The following WASF3 variants were observed in gnomAD, a reference collection of about 807,000 sequenced individuals.
WASF3 encodes WASP family member 3.
In WASF3, 11 loss-of-function variants were observed where a neutral mutation model predicts 46.6. The observed-to-expected ratio is 0.24, with a 90% CI of 0.15 to 0.39. WASF3 has a LOEUF of 0.39. Among genes scored for constraint, WASF3 ranks in the 10% least tolerant of loss-of-function variants. The pLI is 1.00. For missense variants in WASF3, 576 were observed against 669.8 expected (o/e 0.86, Z 1.55); for synonymous variants, 242 against 259.7 (o/e 0.93, Z 0.65).
chr13:26,606,405 G>A (rs1472474503), intron 1 of WASF3: 1 of 150,374 alleles, frequency 6.7e-6, no homozygotes, highest in African/African-American at 2.5e-5. Context: ...ACCTAGGCTG[G>A]AATGCAATGG....
chr13:26,658,496 G>T (rs1008297768), intron 3 of WASF3, among the ~76,000 whole-genome samples: 16 of 152,186 alleles, frequency 1.1e-4, no homozygotes, highest in African/African-American at 3.6e-4. Context: ...TGCTTCTCTT[G>T]CAGATTGCCA....
chr13:26,578,435 C>G (rs1879866744), intron 1 of WASF3, among the ~76,000 whole-genome samples: 1 of 152,110 alleles, frequency 6.6e-6, no homozygotes, highest in Non-Finnish European at 1.5e-5. Flanking sequence ...TAGAACTTCC[C>G]CTCCCTGCAG....
intron 3 of WASF3, among the ~76,000 whole-genome samples, chr13:26,661,014 C>G (rs1450200968): frequency 6.6e-6 from 1 of 152,128 alleles, no homozygotes; most frequent in Non-Finnish European, 1.5e-5. Flanking sequence ...CCAGCTCTCA[C>G]AGGAACTACT....
At chr13:26,655,505 G>T (rs1296188512) in intron 3 of WASF3, among the ~76,000 whole-genome samples, 1 of 152,100 alleles carries the variant, frequency 6.6e-6, no homozygotes, top group Non-Finnish European at 1.5e-5. Flanking sequence ...TGATTAAAAA[G>T]TGTCATATGG....
At chr13:26,590,406 C>G (rs928742868) in intron 1 of WASF3, among the ~76,000 whole-genome samples, 1 of 151,754 alleles carries the variant, frequency 6.6e-6, no homozygotes, top group Non-Finnish European at 1.5e-5. Flanking sequence ...AAAAAGAAAC[C>G]CGAAAGAAGG....
chr13:26,675,609 C>T (rs1883044143), intron 6 of WASF3, among the ~76,000 whole-genome samples: 1 of 141,976 alleles, frequency 7.0e-6, no homozygotes, highest in Non-Finnish European at 1.5e-5. Context: ...TTATTTGTGT[C>T]CTCTTGTGGA....
Position 26,682,603 on chromosome 13 carries a change from T to C in WASF3, c.984-4T>C, listed in dbSNP as rs1409536954. ...GGTGACTATGTGCCTCATATCTCTC[T>C]CAGGATGCTCCCAGCGCAGATAATT... On this transcript the variant is annotated splice_region_variant and splice_polypyrimidine_tract_variant and intron_variant, in intron 8 of 9. Transcript: ENST00000335327. The surrounding 1 kb of genome is among the most constrained non-coding windows in gnomAD (Gnocchi z 4.4). The C allele has an allele frequency of 1.2e-6, 2 of 1,614,110 alleles. No homozygotes were observed. Among genetic ancestry groups the C allele is most frequent in the South Asian group, 1.1e-5 (1 of 91,070 alleles).
At chr13:26,680,206 G>C (rs1057220936) in intron 7 of WASF3, 1 of 1,552,060 alleles carries the variant, frequency 6.4e-7, no homozygotes, top group Non-Finnish European at 8.6e-7. Flanking sequence ...CAGCGGGTTT[G>C]TTGTTTTGCT....
At chr13:26,567,361 C>T (rs1944539504) in intron 1 of WASF3, among the ~76,000 whole-genome samples, 1 of 152,124 alleles carries the variant, frequency 6.6e-6, no homozygotes, top group African/African-American at 2.4e-5. Context: ...TTGGTTAGTT[C>T]AAAATCAGTA....
intron 1 of WASF3, chr13:26,577,059 A>T: frequency 1.4e-6 from 1 of 737,134 alleles, no homozygotes; most frequent in Non-Finnish European, 2.4e-6. Flanking sequence ...ACAAAATTGC[A>T]TCTGATGGCC....
At position 26,665,121 on chromosome 13, in the gene WASF3, T is replaced by G; in HGVS notation, c.227T>G (p.Leu76Arg). 1.2e-6 allele frequency: 2 copies of G among 1,614,136 alleles called. No individual in the cohort carries two copies. Among genetic ancestry groups the G allele is most frequent in the Non-Finnish European group, 1.7e-6 (2 of 1,180,014 alleles). ...TCTCTTCAAGACAGAATTGATCGCC[T>G]TGCTGTCAAAGTCACCCAGCTGGAT... ...ANSLQDRIDRLAVKVTQLDST... is the reference protein window; with the variant it reads ...ANSLQDRIDRRAVKVTQLDST... The change falls in exon 4 of 10, where the codon CTT (leucine) becomes CGT (arginine). Residue 76 changes from leucine (L) to arginine (R), a missense_variant. Transcript: ENST00000335327.
intron 1 of WASF3, among the ~76,000 whole-genome samples, chr13:26,581,935 T>G (rs1879990126): frequency 6.6e-6 from 1 of 152,230 alleles, no homozygotes; most frequent in African/African-American, 2.4e-5. Context: ...TGAAGGAACA[T>G]TCCTTGAGTA....
At chr13:26,554,230 G>A (rs898691502), upstream of WASF3, among the ~76,000 whole-genome samples, 23 of 151,730 alleles carry the variant, frequency 1.5e-4, no homozygotes, top group African/African-American at 2.2e-4. Context: ...AGGCTGAAGC[G>A]ACACTCCTGC....
At chr13:26,662,832 AAAG>A (rs1222823814) in intron 3 of WASF3, among the ~76,000 whole-genome samples, 1 of 152,078 alleles carries the variant, frequency 6.6e-6, no homozygotes, top group African/African-American at 2.4e-5. Context: ...ACCGGGGAAA[AAAG>A]AAATGAAGTG....
chr13:26,671,215 A>G (rs1882916660), intron 5 of WASF3, among the ~76,000 whole-genome samples: 2 of 152,204 alleles, frequency 1.3e-5, no homozygotes, highest in African/African-American at 4.8e-5. Flanking sequence ...AGCTACTTAT[A>G]TGAAGACTTA....
chr13:26,571,112 C>T (rs1879619463), intron 1 of WASF3, among the ~76,000 whole-genome samples: 1 of 151,936 alleles, frequency 6.6e-6, no homozygotes. Context: ...GTCTATTGCC[C>T]TTTTTTCTAT....
chr13:26,564,687 T>G (rs907253054), intron 1 of WASF3, among the ~76,000 whole-genome samples: 3 of 152,208 alleles, frequency 2.0e-5, no homozygotes, highest in Admixed American at 2.0e-4. Flanking sequence ...TTTTATCAGC[T>G]AAATGGATGA....
rs182263723 is a variant in WASF3, at chr13:26,618,947, T to A, written c.-11+5889T>A. 6 of 152,340 alleles carry A rather than the reference T, an allele frequency of 3.9e-5. No homozygotes were observed. In the East Asian group the frequency reaches 1.2e-3, roughly 29 times the overall value. The allele number at this position is 152,340 out of a possible 1,614,324, so 9.4% of individuals were successfully genotyped here. A position where few individuals can be genotyped will look rare whatever the true frequency, so the allele number is the denominator to read the frequency against. ...TGTCATATTTTTGGCTTGTGGTTTC[T>A]TCCTTTAATCTCATCCCGTTGCCTT... On this transcript the variant is annotated intron_variant, in intron 2 of 9. Transcript: ENST00000335327.
chr13:26,643,341 AT>A (rs138658771), intron 3 of WASF3, among the ~76,000 whole-genome samples: 3 of 151,422 alleles, frequency 2.0e-5, no homozygotes, highest in South Asian at 2.1e-4. Flanking sequence ...CGAAGGGCAA[AT>A]TTTTTTTTAA....
Sources: allele counts gnomAD v4.1 joint callset (sites outside exome capture counted in the v4.1 genomes callset), GRCh38; gene constraint gnomAD v4.1.1; non-coding constraint Gnocchi (gnomAD v3.1); transcripts MANE v1.5; gene names NCBI Gene and HGNC (gene_info 2026-07-23, HGNC 2026-07-21).